Variants in GSG1L observed in about 807,000 individuals in gnomAD.
GSG1L encodes germ cell-specific gene 1-like protein.
Under a neutral mutation model 42.1 loss-of-function variants are expected in GSG1L, and 24 were observed. That is an observed-to-expected ratio of 0.57 (90% CI 0.41 to 0.80). GSG1L has a LOEUF of 0.80. Among genes scored for constraint, GSG1L ranks in the 30% least tolerant of loss-of-function variants. The pLI is 0.00. For synonymous variants in GSG1L, 215 were observed against 203.5 expected (o/e 1.06, Z -0.48); for missense variants, 445 against 472.2 (o/e 0.94, Z 0.53).
intron 2 of GSG1L, among the ~76,000 whole-genome samples, chr16:27,896,809 C>T (rs1186699187): frequency 6.6e-6 from 1 of 152,200 alleles, no homozygotes; most frequent in Non-Finnish European, 1.5e-5. Context: ...GAGACAAGTT[C>T]TCCCCTTGAA....
intron 5 of GSG1L, among the ~76,000 whole-genome samples, chr16:27,816,532 G>A (rs1025656763): frequency 6.6e-6 from 1 of 152,216 alleles, no homozygotes; most frequent in Admixed American, 6.5e-5. Flanking sequence ...TCGCAGATGG[G>A]AAAGGTGAAG....
At chr16:28,058,141 G>C (rs1231233134) in intron 1 of GSG1L, among the ~76,000 whole-genome samples, 1 of 152,160 alleles carries the variant, frequency 6.6e-6, no homozygotes, top group African/African-American at 2.4e-5. Flanking sequence ...TGGGGAGACT[G>C]AGGAGCAGCA....
At chr16:28,049,403 C>CTG (rs2086198363) in intron 1 of GSG1L, among the ~76,000 whole-genome samples, 1 of 152,010 alleles carries the variant, frequency 6.6e-6, no homozygotes, top group Non-Finnish European at 1.5e-5. Flanking sequence ...GAAAACTGGA[C>CTG]TGTGTGGTAG....
chr16:27,946,610 AGAGAGAGAGAG>A (rs1567529909), intron 2 of GSG1L, among the ~76,000 whole-genome samples: 8 of 10,026 alleles, frequency 8.0e-4, no homozygotes, highest in Admixed American at 1.9e-3. Context: ...AGAGAGAGAG[AGAGAGAGAGAG>A]AGAGAGAGAG....
intron 3 of GSG1L, among the ~76,000 whole-genome samples, chr16:27,855,719 C>CA (rs397686463): frequency 0.12 from 7,255 of 61,086 alleles, 353 homozygotes; most frequent in Admixed American, 0.18. Context: ...GACTCAGTCT[C>CA]AAAAAAAAAA....
chr16:27,951,481 G>A (rs1215446365), intron 2 of GSG1L, among the ~76,000 whole-genome samples: 1 of 152,204 alleles, frequency 6.6e-6, no homozygotes, highest in Non-Finnish European at 1.5e-5. Flanking sequence ...TCGAGTGAGA[G>A]TAATTGATGC....
rs2082727150 is a variant in GSG1L, at chr16:27,789,442, G to T, written c.*1928C>A. Reference sequence around the variant, plus strand: ...ATGGATAGATGGAGGGATGATGGCTGATGAATGATGGATAAAGGATGGATG... The same window carrying T: ...ATGGATAGATGGAGGGATGATGGCTTATGAATGATGGATAAAGGATGGATG... On this transcript the variant is annotated 3_prime_UTR_variant, in exon 7 of 7. Coordinates refer to ENST00000447459, the MANE Select transcript of GSG1L (RefSeq NM_001109763.2). 6.6e-6 allele frequency: 1 copy of T among 151,610 alleles called. No individual in the cohort carries two copies. Among genetic ancestry groups the T allele is most frequent in the Non-Finnish European group, 1.5e-5 (1 of 67,896 alleles). The allele number at this position is 151,610 out of a possible 1,614,324, so 9.4% of individuals were successfully genotyped here.
chr16:27,981,008 A>G (rs1226114618), intron 1 of GSG1L, among the ~76,000 whole-genome samples: 3 of 152,060 alleles, frequency 2.0e-5, no homozygotes, highest in Non-Finnish European at 4.4e-5. Context: ...CAGGATTCCA[A>G]TCAAGACAGC....
intron 1 of GSG1L, among the ~76,000 whole-genome samples, chr16:28,027,337 G>A (rs2085910589): frequency 1.3e-5 from 2 of 152,164 alleles, no homozygotes; most frequent in Non-Finnish European, 2.9e-5. Flanking sequence ...TCAGGCCAAT[G>A]AGAGCCTTCC....
chr16:27,821,801 G>A (rs2083153554), intron 5 of GSG1L, among the ~76,000 whole-genome samples: 1 of 152,124 alleles, frequency 6.6e-6, no homozygotes, highest in Non-Finnish European at 1.5e-5. Context: ...TTACTCAGGA[G>A]GCTGAAGCAG....
At chr16:27,980,901 C>CAA (rs11390148) in intron 1 of GSG1L, among the ~76,000 whole-genome samples, 25,126 of 127,052 alleles carry the variant, frequency 0.2, 2,009 homozygotes, top group Non-Finnish European at 0.25. Context: ...AACCAAAAAA[C>CAA]AAAAAAAAAA....
intron 2 of GSG1L, among the ~76,000 whole-genome samples, chr16:27,948,718 G>A (rs147398439): frequency 0.015 from 2,251 of 148,686 alleles, 46 homozygotes; most frequent in African/African-American, 0.052. Flanking sequence ...CACGCCATTC[G>A]CCTGTCTCAG....
chr16:27,960,509 G>T (rs775579716), intron 2 of GSG1L, among the ~76,000 whole-genome samples: 1 of 152,200 alleles, frequency 6.6e-6, no homozygotes, highest in Non-Finnish European at 1.5e-5. Flanking sequence ...CATAGGGAAA[G>T]AGTATTCCTT....
At chr16:27,895,772 C>T (rs1160707000) in intron 2 of GSG1L, among the ~76,000 whole-genome samples, 3 of 152,124 alleles carry the variant, frequency 2.0e-5, no homozygotes, top group African/African-American at 7.2e-5. Context: ...TTAATAAGTC[C>T]GGAAAGCTTT....
chr16:27,833,669 G>A (rs923534299), intron 4 of GSG1L, among the ~76,000 whole-genome samples: 2 of 151,984 alleles, frequency 1.3e-5, no homozygotes, highest in Admixed American at 6.6e-5. Flanking sequence ...TCCTGTAAGT[G>A]TTTTGTTAGA....
rs565960986 is a variant in GSG1L at position 27,977,492 on chromosome 16, G to A, written c.350-14289C>T. Among the ~76,000 whole-genome samples, 507 of 150,182 alleles carry A rather than the reference G, an allele frequency of 3.4e-3. 4 individuals are homozygous for A. The highest frequency in any genetic ancestry group is 6.3e-3 in the Non-Finnish European group (430 of 67,718). On this transcript the variant is annotated intron_variant, in intron 1 of 6. Coordinates refer to ENST00000447459, the MANE Select transcript of GSG1L (RefSeq NM_001109763.2). Reference sequence around the variant, plus strand: ...CAAGAATCGCTGAAACCTGGGAGGCGGAGGTTGCAGTGAGCCAAGATCGTG... The same window carrying A: ...CAAGAATCGCTGAAACCTGGGAGGCAGAGGTTGCAGTGAGCCAAGATCGTG...
intron 6 of GSG1L, among the ~76,000 whole-genome samples, chr16:27,792,873 G>T (rs956596039): frequency 3.3e-5 from 5 of 152,240 alleles, no homozygotes; most frequent in African/African-American, 1.2e-4. Context: ...TCCAGAGGTA[G>T]TTCTGCCCAT....
At chr16:28,015,377 T>C (rs2141160392) in intron 1 of GSG1L, among the ~76,000 whole-genome samples, 1 of 152,324 alleles carries the variant, frequency 6.6e-6, no homozygotes, top group Non-Finnish European at 1.5e-5. Context: ...TGTCGGTGCA[T>C]GGCTGTAGTC....
At chr16:27,817,468 C>G (rs753250361) in intron 5 of GSG1L, among the ~76,000 whole-genome samples, 28 of 152,152 alleles carry the variant, frequency 1.8e-4, no homozygotes, top group Non-Finnish European at 3.1e-4. Flanking sequence ...TAATAAAGGA[C>G]TAAGACTCCC....
Sources: gnomAD v4.1 joint callset for allele counts (sites outside exome capture counted in the v4.1 genomes callset) on GRCh38, gnomAD v4.1.1 for gene constraint, MANE v1.5 for transcripts, NCBI Gene and HGNC (gene_info 2026-07-23, HGNC 2026-07-21) for gene names.